LIN52: variants seen among roughly 807,000 people sequenced by gnomAD.
LIN52 encodes lin-52 DREAM MuvB core complex component.
In LIN52, 4 loss-of-function variants were observed where a neutral mutation model predicts 18.5. The ratio of observed to expected loss-of-function variants is 0.22; its 90% confidence interval spans 0.11 to 0.49. LIN52 has a LOEUF of 0.49. Among genes scored for constraint, LIN52 ranks in the 20% least tolerant of loss-of-function variants. The pLI is 0.97. For synonymous variants in LIN52, 34 were observed against 45.5 expected, an observed-to-expected ratio of 0.75 and a Z score of 1.02; for missense variants, 102 against 139.5, an observed-to-expected ratio of 0.73 and a Z score of 1.35.
intron 5 of LIN52, among the ~76,000 whole-genome samples, chr14:74,134,688 T>C (rs10144280): frequency 0.019 from 2,820 of 152,224 alleles, 54 homozygotes; most frequent in African/African-American, 0.05. Context: ...TTTAGAGCAC[T>C]CATATCTGCT....
intron 5 of LIN52, among the ~76,000 whole-genome samples, chr14:74,134,479 G>A (rs1304369841): frequency 1.3e-5 from 2 of 152,170 alleles, no homozygotes; most frequent in Non-Finnish European, 2.9e-5. Context: ...ATAGAACATG[G>A]ACAGACAATA....
At chr14:74,175,712 A>G (rs1302153259) in intron 5 of LIN52, among the ~76,000 whole-genome samples, 4 of 5,650 alleles carry the variant, frequency 7.1e-4, no homozygotes, top group Admixed American at 2.3e-3. Flanking sequence ...ACAGACACAT[A>G]CACACACACA....
chr14:74,106,707 C>T (rs2060899099), intron 5 of LIN52, among the ~76,000 whole-genome samples: 1 of 152,216 alleles, frequency 6.6e-6, no homozygotes, highest in African/African-American at 2.4e-5. Context: ...TCTTATGCTT[C>T]AGCCGTCCAA....
intron 5 of LIN52, among the ~76,000 whole-genome samples, chr14:74,193,401 G>A (rs559568459): frequency 6.8e-6 from 1 of 147,164 alleles, no homozygotes; most frequent in East Asian, 1.9e-4. Flanking sequence ...GTGACAGAAC[G>A]AGACCTTGTC....
intron 5 of LIN52, among the ~76,000 whole-genome samples, chr14:74,156,836 C>G (rs1274071837): frequency 6.6e-6 from 1 of 152,094 alleles, no homozygotes; most frequent in Non-Finnish European, 1.5e-5. Flanking sequence ...AACCACTATT[C>G]TACTCTGTAC....
chr14:74,195,459 A>T (rs919151587), intron 5 of LIN52, among the ~76,000 whole-genome samples: 3 of 152,188 alleles, frequency 2.0e-5, no homozygotes, highest in Admixed American at 1.3e-4. Context: ...TTCCCCAAAG[A>T]GATTTGAAAT....
intron 5 of LIN52, among the ~76,000 whole-genome samples, chr14:74,179,406 T>G (rs143100240): frequency 0.01 from 1,574 of 152,232 alleles, 12 homozygotes; most frequent in Middle Eastern, 0.027. Flanking sequence ...ATGCCTGTAA[T>G]CCCAACACTT....
intron 5 of LIN52, among the ~76,000 whole-genome samples, chr14:74,108,388 T>G (rs932218018): frequency 6.6e-6 from 1 of 152,136 alleles, no homozygotes; most frequent in Non-Finnish European, 1.5e-5. Context: ...TTTTCTTAGG[T>G]TTATAGCTAG....
rs138989261 is a variant in LIN52, at chr14:74,140,582, C to T, written c.283+39344C>T. Reference sequence around the variant, plus strand: ...GTACTGATTAAACCTGAAGTGTCCCCGGAGGACTCTACAGCTGTCAGAGGG... The same window carrying T: ...GTACTGATTAAACCTGAAGTGTCCCTGGAGGACTCTACAGCTGTCAGAGGG... On this transcript the variant is annotated intron_variant, in intron 5 of 5. Transcript: ENST00000555028. Among the ~76,000 whole-genome samples, 717 of 152,230 alleles carry T rather than the reference C, an allele frequency of 4.7e-3. 2 individuals carry two copies. Among genetic ancestry groups the T allele is most frequent in the African/African-American group, 0.014 (602 of 41,534 alleles).
intron 3 of LIN52, among the ~76,000 whole-genome samples, chr14:74,096,906 A>T (rs961326777): frequency 6.6e-6 from 1 of 152,204 alleles, no homozygotes. Flanking sequence ...CTCGTGTGCA[A>T]CTAGCATTAA....
intron 5 of LIN52, among the ~76,000 whole-genome samples, chr14:74,111,130 C>T (rs2060924214): frequency 6.6e-6 from 1 of 152,198 alleles, no homozygotes; most frequent in Admixed American, 6.5e-5. Flanking sequence ...ACAGCACTAG[C>T]CTGTGGTACT....
At chr14:74,169,965 C>A (rs977462727) in intron 5 of LIN52, among the ~76,000 whole-genome samples, 1 of 152,156 alleles carries the variant, frequency 6.6e-6, no homozygotes, top group Non-Finnish European at 1.5e-5. Context: ...AGAAGAGACA[C>A]TGGAAGCTGG....
intron 1 of LIN52, among the ~76,000 whole-genome samples, chr14:74,087,459 C>G (rs1433408024): frequency 6.6e-6 from 1 of 150,906 alleles, no homozygotes; most frequent in African/African-American, 2.4e-5. Flanking sequence ...CCTTTTCTAG[C>G]CATCTCTATG....
intron 5 of LIN52, among the ~76,000 whole-genome samples, chr14:74,184,462 A>ATGGATTGGGTT (rs2061332686): frequency 6.6e-6 from 1 of 152,198 alleles, no homozygotes; most frequent in Non-Finnish European, 1.5e-5. Flanking sequence ...GAGCTAGATA[A>ATGGATTGGGTT]TGGATTGGGT....
chr14:74,142,505 A>G (rs1280579170), intron 5 of LIN52, among the ~76,000 whole-genome samples: 1 of 152,154 alleles, frequency 6.6e-6, no homozygotes, highest in Non-Finnish European at 1.5e-5. Flanking sequence ...GAGATCTTGT[A>G]GACCTAAACT....
Position 74,130,278 on chromosome 14 carries a change from G to GTTTTTTTTTTTTTTTTTTTTTT in LIN52, c.283+29058_283+29059insTTTTTTTTTTTTTTTTTTTTTT. Among the ~76,000 whole-genome samples the GTTTTTTTTTTTTTTTTTTTTTT allele has an allele frequency of 5.5e-3, 359 of 64,770 alleles. 68 individuals are homozygous for GTTTTTTTTTTTTTTTTTTTTTT. Among genetic ancestry groups the GTTTTTTTTTTTTTTTTTTTTTT allele is most frequent in the African/African-American group, 5.8e-3 (92 of 15,868 alleles). 42.5% of individuals were successfully genotyped at this position (64,770 alleles called of 152,430 possible). On this transcript the variant is annotated intron_variant, in intron 5 of 5. Transcript: ENST00000555028. ...GAATTTATTAGATAGGCATTTTTTG[G>GTTTTTTTTTTTTTTTTTTTTTT]TTTTTTTTTTTTTTTTTTGAGACAG...
intron 5 of LIN52, among the ~76,000 whole-genome samples, chr14:74,111,340 G>A (rs1214034532): frequency 6.6e-6 from 1 of 152,118 alleles, no homozygotes; most frequent in Non-Finnish European, 1.5e-5. Context: ...CCAGGCTAGA[G>A]TGCGGTGGTG....
chr14:74,107,533 CT>C (rs1396221499), intron 5 of LIN52, among the ~76,000 whole-genome samples: 1 of 152,092 alleles, frequency 6.6e-6, no homozygotes, highest in Non-Finnish European at 1.5e-5. Context: ...CAAATTGCCC[CT>C]AGAGCAGTTT....
intron 5 of LIN52, among the ~76,000 whole-genome samples, chr14:74,178,956 ATG>A (rs2061304844): frequency 6.6e-6 from 1 of 151,922 alleles, no homozygotes; most frequent in Non-Finnish European, 1.5e-5. Context: ...GCATGATGGC[ATG>A]CACCTGTAGG....
Sources: gnomAD v4.1 joint callset for allele counts (sites outside exome capture counted in the v4.1 genomes callset) on GRCh38, gnomAD v4.1.1 for gene constraint, MANE v1.5 for transcripts, NCBI Gene and HGNC (gene_info 2026-07-23, HGNC 2026-07-21) for gene names.